The following SPRYD4 variants were observed in gnomAD, a reference collection of about 807,000 sequenced individuals.
The protein encoded by SPRYD4 is SPRY domain containing 4, also known as SPRY domain-containing protein 4.
Under a neutral mutation model 16.6 loss-of-function variants are expected in SPRYD4, and 12 were observed. The ratio of observed to expected loss-of-function variants is 0.72; its 90% CI spans 0.46 to 1.17. The LOEUF (loss-of-function observed/expected upper bound fraction) is 1.17, where lower values mean the gene tolerates loss of function less well. Ranked by LOEUF, SPRYD4 falls within the 50% of genes most tolerant of loss-of-function variation. SPRYD4 has a pLI of 0.00. For synonymous variants in SPRYD4, 98 were observed against 105.4 expected (o/e 0.93, Z 0.43); for missense variants, 260 against 260.2 (o/e 1.00, Z 0.00).
chr12:56,474,142 C>G lies in SPRYD4; in HGVS notation c.*4565C>G. On this transcript the variant is annotated 3_prime_UTR_variant, in exon 2 of 2. Coordinates refer to ENST00000338146, the MANE Select transcript of SPRYD4 (RefSeq NM_207344.4). ...AGTTTTGCTCTTGTTGCCCAGGCTA[C>G]AGTGCAATGGCACAATCTCGGCTCA... The G allele has an allele frequency of 5.4e-6, 1 of 185,120 alleles. No homozygotes were observed. Among genetic ancestry groups the G allele is most frequent in the South Asian group, 9.5e-5 (1 of 10,490 alleles). The allele number at this position is 185,120 out of a possible 1,614,324, so 11.5% of individuals were successfully genotyped here.
Position 56,478,371 on chromosome 12 carries a change from A to G in SPRYD4, c.*8794A>G. 3 of 1,199,048 alleles carry G rather than the reference A, an allele frequency of 2.5e-6. No individual in the cohort carries two copies. The highest frequency in any genetic ancestry group is 3.6e-6 in the Non-Finnish European group (3 of 835,692). The allele number at this position is 1,199,048 out of a possible 1,614,324, so 74.3% of individuals were successfully genotyped here. On this transcript the variant is annotated 3_prime_UTR_variant, in exon 2 of 2. Coordinates refer to ENST00000338146, the MANE Select transcript of SPRYD4 (RefSeq NM_207344.4). ...GATAAAAGCTAAAATTCTGTCTTCT[A>G]TAGGGCAGAGGGGTTCCCTCCTGCC...
Position 56,474,841 on chromosome 12 carries a change from CT to C in SPRYD4, c.*5266del. ...TTCCCTCGGCCCTGAGCAGTGTTTTCTTACCTGGAAGTAGAGATCAAGGGCA... is the reference window on the plus strand; with the variant it reads ...TTCCCTCGGCCCTGAGCAGTGTTTTCTACCTGGAAGTAGAGATCAAGGGCA... On this transcript the variant is annotated 3_prime_UTR_variant, in exon 2 of 2. Coordinates refer to ENST00000338146, the MANE Select transcript of SPRYD4 (RefSeq NM_207344.4). The C allele has an allele frequency of 6.2e-7, 1 of 1,614,192 alleles. No individual in the cohort carries two copies. The highest frequency in any genetic ancestry group is 8.5e-7 in the Non-Finnish European group (1 of 1,180,018).
rs776954469 is a variant in SPRYD4 at position 56,477,714 on chromosome 12, G to GA, written c.*8138dup. 12 of 1,611,650 alleles carry GA rather than the reference G, an allele frequency of 7.4e-6. No individual in the cohort carries two copies. In the South Asian group the frequency reaches 1.3e-4, roughly 18 times the overall value. On this transcript the variant is annotated 3_prime_UTR_variant, in exon 2 of 2. Coordinates refer to ENST00000338146, the MANE Select transcript of SPRYD4 (RefSeq NM_207344.4). The stretch of plus-strand genomic sequence containing the variant: ...CAGCATTGACCATGGGGTTATGGGG[G>GA]ATTCCTGGGGAAATACAAACCACCA...
At position 56,473,521 on chromosome 12, in the gene SPRYD4, C is replaced by T. The variant is rs1431870489; in HGVS notation, c.*3944C>T. 5.0e-6 allele frequency: 8 copies of T among 1,613,838 alleles called. No homozygotes were observed. Among genetic ancestry groups the T allele is most frequent in the Non-Finnish European group, 6.8e-6 (8 of 1,180,018 alleles). ...CAGCTTGTCCAATGGGGGTGACAGG[C>T]ACATCATTCCCATGACATTGGGTAC... On this transcript the variant is annotated 3_prime_UTR_variant, in exon 2 of 2. Transcript: ENST00000338146.
chr12:56,477,791 G>T lies in SPRYD4; in HGVS notation c.*8214G>T. On this transcript the variant is annotated 3_prime_UTR_variant, in exon 2 of 2. Coordinates refer to ENST00000338146, the MANE Select transcript of SPRYD4 (RefSeq NM_207344.4). ...CCCTGACAGCCCGCTCACTTTGTGG[G>T]TTAGACAAGAAAGACTGCTAGGGAG... The T allele has an allele frequency of 6.4e-7, 1 of 1,559,766 alleles. No homozygotes were observed. Among genetic ancestry groups the T allele is most frequent in the Non-Finnish European group, 8.7e-7 (1 of 1,144,550 alleles).
chr12:56,469,649 C>T lies in SPRYD4; in HGVS notation c.*72C>T. On this transcript the variant is annotated 3_prime_UTR_variant, in exon 2 of 2. Coordinates refer to ENST00000338146, the MANE Select transcript of SPRYD4 (RefSeq NM_207344.4). ...TTTGAAAGTGTCCGAAGCCTTTTTACTTTGCCTCAAGCAACCTCTAGCTCC... is the reference window on the plus strand; with the variant it reads ...TTTGAAAGTGTCCGAAGCCTTTTTATTTTGCCTCAAGCAACCTCTAGCTCC... The T allele has an allele frequency of 6.8e-7, 1 of 1,464,026 alleles. No homozygotes were observed. 90.7% of individuals were successfully genotyped at this position (1,464,026 alleles called of 1,614,324 possible).
rs888020155 is a variant in SPRYD4 at position 56,469,904 on chromosome 12, G to T, written c.*327G>T. 1 of 299,884 alleles carries T rather than the reference G, an allele frequency of 3.3e-6. No homozygotes were observed. Among genetic ancestry groups the T allele is most frequent in the Admixed American group, 4.6e-5 (1 of 21,828 alleles). 18.6% of individuals were successfully genotyped at this position (299,884 alleles called of 1,614,324 possible). On this transcript the variant is annotated 3_prime_UTR_variant, in exon 2 of 2. Coordinates refer to ENST00000338146, the MANE Select transcript of SPRYD4 (RefSeq NM_207344.4). ...TTCCATCCTGGGGTCTTATCATTCA[G>T]CTTTGTTTGAATTTATTAATCACCA...
In SPRYD4 at chr12:56,468,612, TTCTTTGCGCTTG is replaced by T. The variant is rs1869095222; in HGVS notation, c.23_34del (p.Ser8_Leu11del). ...GCAAGATGGCGCTGCTTTTTGCACG[TTCTTTGCGCTTG>T]TGCCGCTGGGGAGCCAAACGATTGG... is the stretch of plus-strand genomic sequence containing the variant. On this transcript the variant is annotated inframe_deletion, in exon 1 of 2. Coordinates refer to ENST00000338146, the MANE Select transcript of SPRYD4 (RefSeq NM_207344.4). 1.2e-6 allele frequency: 2 copies of T among 1,613,716 alleles called. No homozygotes were observed. The highest frequency in any genetic ancestry group is 2.7e-5 in the African/African-American group (2 of 74,930).
rs779984533 is a variant in SPRYD4 at position 56,475,010 on chromosome 12, C to T, written c.*5433C>T. ...TGCCCTTCCACTAGCAGCAGAATTCCCAGGGACTTTCTCTTCCGGCCTCTT... is the reference window on the plus strand; with the variant it reads ...TGCCCTTCCACTAGCAGCAGAATTCTCAGGGACTTTCTCTTCCGGCCTCTT... On this transcript the variant is annotated 3_prime_UTR_variant, in exon 2 of 2. Coordinates refer to ENST00000338146, the MANE Select transcript of SPRYD4 (RefSeq NM_207344.4). 5.0e-6 allele frequency: 8 copies of T among 1,613,852 alleles called. No homozygotes were observed. In the African/African-American group the frequency reaches 9.3e-5, roughly 19 times the overall value.
At position 56,469,083 on chromosome 12, in the gene SPRYD4, G is replaced by C. The variant is rs777916531; in HGVS notation, c.130G>C (p.Ala44Pro). 3 of 1,602,292 alleles carry C rather than the reference G, an allele frequency of 1.9e-6. No homozygotes were observed. The highest frequency in any genetic ancestry group is 2.6e-6 in the Non-Finnish European group (3 of 1,173,226). ...AGAAAAAACCGCCCACAGCAGCCTG[G>C]CACTCTTCAGAGATGATACGGGTGT... The part of the protein sequence containing the change: ...LEEKTAHSSL[A>P]LFRDDTGVKY... The change falls in exon 2 of 2, where the codon GCA becomes CCA. Residue 44 changes from alanine to proline, a missense_variant. Coordinates refer to ENST00000338146, the MANE Select transcript of SPRYD4 (RefSeq NM_207344.4).
At position 56,472,020 on chromosome 12, in the gene SPRYD4, C is replaced by T; in HGVS notation, c.*2443C>T. ...GGTGTCTAGATAAAACTAGTTGCTGCCCCTATAACCTTGAGGGCACATATA... is the reference window on the plus strand; with the variant it reads ...GGTGTCTAGATAAAACTAGTTGCTGTCCCTATAACCTTGAGGGCACATATA... On this transcript the variant is annotated 3_prime_UTR_variant, in exon 2 of 2. Transcript: ENST00000338146. 5 of 1,378,462 alleles carry T rather than the reference C, an allele frequency of 3.6e-6. No individual in the cohort carries two copies. The highest frequency in any genetic ancestry group is 5.1e-6 in the Non-Finnish European group (5 of 977,668). 85.4% of individuals were successfully genotyped at this position (1,378,462 alleles called of 1,614,324 possible). A position where few individuals can be genotyped will look rare whatever the true frequency, so the allele number is the denominator to read the frequency against.
Position 56,475,031 on chromosome 12 carries a change from C to T in SPRYD4, c.*5454C>T. 1 of 1,614,148 alleles carries T rather than the reference C, an allele frequency of 6.2e-7. No homozygotes were observed. The highest frequency in any genetic ancestry group is 2.2e-5 in the East Asian group (1 of 44,890). On this transcript the variant is annotated 3_prime_UTR_variant, in exon 2 of 2. Transcript: ENST00000338146. The stretch of plus-strand genomic sequence containing the variant: ...ATTCCCAGGGACTTTCTCTTCCGGC[C>T]TCTTCTGGTTACCTTCTTTTCCTTG...
Position 56,470,510 on chromosome 12 carries a change from A to C in SPRYD4, c.*933A>C, listed in dbSNP as rs1869186221. ...CGTCTCATTTTTATATTTTTAGTAG[A>C]GATGGGGTTTTGCCATATTGGCCAG... On this transcript the variant is annotated 3_prime_UTR_variant, in exon 2 of 2. Coordinates refer to ENST00000338146, the MANE Select transcript of SPRYD4 (RefSeq NM_207344.4). The C allele has an allele frequency of 6.6e-6, 1 of 152,082 alleles. No individual in the cohort carries two copies. Among genetic ancestry groups the C allele is most frequent in the African/African-American group, 2.4e-5 (1 of 41,400 alleles). 9.4% of individuals were successfully genotyped at this position (152,082 alleles called of 1,614,324 possible).
At position 56,472,551 on chromosome 12, in the gene SPRYD4, A is replaced by T; in HGVS notation, c.*2974A>T. 1 of 760,122 alleles carries T rather than the reference A, an allele frequency of 1.3e-6. No homozygotes were observed. Among genetic ancestry groups the T allele is most frequent in the Non-Finnish European group, 2.1e-6 (1 of 467,766 alleles). The allele number at this position is 760,122 out of a possible 1,614,324, so 47.1% of individuals were successfully genotyped here. A position where few individuals can be genotyped will look rare whatever the true frequency, so the allele number is the denominator to read the frequency against. Reference sequence around the variant, plus strand: ...TTTTTTAAAAAAAATCTCCTTTTTTAAAAAAATTTCATTTAAATGCAATCT... The same window carrying T: ...TTTTTTAAAAAAAATCTCCTTTTTTTAAAAAATTTCATTTAAATGCAATCT... On this transcript the variant is annotated 3_prime_UTR_variant, in exon 2 of 2. Coordinates refer to ENST00000338146, the MANE Select transcript of SPRYD4 (RefSeq NM_207344.4).
chr12:56,473,969 G>A lies in SPRYD4; in HGVS notation c.*4392G>A, dbSNP rs2060151430. 5.4e-6 allele frequency: 1 copy of A among 186,692 alleles called. No homozygotes were observed. Among genetic ancestry groups the A allele is most frequent in the Non-Finnish European group, 1.1e-5 (1 of 89,766 alleles). The allele number at this position is 186,692 out of a possible 1,614,324, so 11.6% of individuals were successfully genotyped here. ...AAATAGAGGTAGAGGGGGGCCACAT[G>A]AGATAGGGTGGTCAGAAAAGTCTTT... On this transcript the variant is annotated 3_prime_UTR_variant, in exon 2 of 2. Coordinates refer to ENST00000338146, the MANE Select transcript of SPRYD4 (RefSeq NM_207344.4).
In SPRYD4 at chr12:56,469,140, A is replaced by C. The variant is rs765472868; in HGVS notation, c.187A>C (p.Lys63Gln). 1 of 1,614,060 alleles carries C rather than the reference A, an allele frequency of 6.2e-7. No individual in the cohort carries two copies. The highest frequency in any genetic ancestry group is 8.5e-7 in the Non-Finnish European group (1 of 1,179,992). Residue 63 changes from lysine (K) to glutamine (Q), a missense_variant, in exon 2 of 2, where the codon AAG (lysine) becomes CAG (glutamine). By Grantham distance (53) the Lys-to-Gln change is moderately conservative. Transcript: ENST00000338146. ...KYGLVGLEPT[K>Q]VALNVERFRE... ...TGGCTTGGTGGGATTGGAGCCCACC[A>C]AGGTGGCCTTGAATGTGGAGCGCTT...
rs138320590 is a variant in SPRYD4, at chr12:56,473,047, G to A, written c.*3470G>A. The A allele has an allele frequency of 2.8e-3, 1,754 of 628,246 alleles. 25 individuals are homozygous for A. In the African/African-American group the frequency reaches 0.029, roughly 11 times the overall value. 38.9% of individuals were successfully genotyped at this position (628,246 alleles called of 1,614,324 possible). A position where few individuals can be genotyped will look rare whatever the true frequency, so the allele number is the denominator to read the frequency against. On this transcript the variant is annotated 3_prime_UTR_variant, in exon 2 of 2. Transcript: ENST00000338146. ...TGGGACCACAGGCGCGTGCCACCAC[G>A]TCTGGCTAATTTTTTGTATTTTCAA... is the stretch of plus-strand genomic sequence containing the variant.
Position 56,473,153 on chromosome 12 carries a change from T to C in SPRYD4, c.*3576T>C. The C allele has an allele frequency of 2.9e-6, 4 of 1,379,340 alleles. No individual in the cohort carries two copies. Among genetic ancestry groups the C allele is most frequent in the Non-Finnish European group, 4.1e-6 (4 of 974,182 alleles). 85.4% of individuals were successfully genotyped at this position (1,379,340 alleles called of 1,614,324 possible). A position where few individuals can be genotyped will look rare whatever the true frequency, so the allele number is the denominator to read the frequency against. ...ATCCGCCCGCCTTGGCCTCTCAAAG[T>C]GCAGGGATTACAGGCGTGAGCCACC... On this transcript the variant is annotated 3_prime_UTR_variant, in exon 2 of 2. Coordinates refer to ENST00000338146, the MANE Select transcript of SPRYD4 (RefSeq NM_207344.4).
chr12:56,474,753 G>C lies in SPRYD4; in HGVS notation c.*5176G>C. 1 of 1,610,424 alleles carries C rather than the reference G, an allele frequency of 6.2e-7. No homozygotes were observed. The highest frequency in any genetic ancestry group is 8.5e-7 in the Non-Finnish European group (1 of 1,177,580). On this transcript the variant is annotated 3_prime_UTR_variant, in exon 2 of 2. Coordinates refer to ENST00000338146, the MANE Select transcript of SPRYD4 (RefSeq NM_207344.4). Reference sequence around the variant, plus strand: ...AACAAAGAATAGGTGAAGATGTGACGTGAACCTGCACATGGGACCCTCGGG... The same window carrying C: ...AACAAAGAATAGGTGAAGATGTGACCTGAACCTGCACATGGGACCCTCGGG...
Sources: gnomAD v4.1 joint callset for allele counts on GRCh38, gnomAD v4.1.1 for gene constraint, MANE v1.5 for transcripts, NCBI Gene and HGNC (gene_info 2026-07-23, HGNC 2026-07-21) for gene names.